ARL5C: variants seen among roughly 807,000 people sequenced by gnomAD.
ARL5C encodes the protein putative ADP-ribosylation factor-like protein 5C.
Under a neutral mutation model 20.8 loss-of-function variants are expected in ARL5C, and 21 were observed. The ratio of observed to expected loss-of-function variants is 1.01; its 90% CI spans 0.72 to 1.46. ARL5C has a LOEUF of 1.46. Among genes scored for constraint, ARL5C ranks in the 40% most tolerant of loss-of-function variants. The pLI, the probability that ARL5C is intolerant of heterozygous loss-of-function variation, is 0.00. For synonymous variants in ARL5C, 71 were observed against 81.6 expected, an observed-to-expected ratio of 0.87 and a Z score of 0.70; for missense variants, 199 against 225.1, an observed-to-expected ratio of 0.88 and a Z score of 0.74.
chr17:39,162,949 T>C, intron 2 of ARL5C, 91 bp from the exon 3 acceptor site: 1 of 1,448,178 alleles, frequency 6.9e-7, no homozygotes, highest in South Asian at 1.3e-5. Context: ...AGTCTGAATC[T>C]AACTCAGAAC....
rs2045460340 is a variant in ARL5C, at chr17:39,165,787, G to A, written c.-27C>T. 1.9e-6 allele frequency: 3 copies of A among 1,551,636 alleles called. No individual in the cohort carries two copies. Among genetic ancestry groups the A allele is most frequent in the Non-Finnish European group, 2.6e-6 (3 of 1,146,956 alleles). ...GCACTTCCCGGGCCGGACAGGTGCA[G>A]GAGGGCTCAGCGGCCTCAGGAGCGG... On this transcript the variant is annotated 5_prime_UTR_variant, in exon 1 of 6. Transcript: ENST00000269586.
chr17:39,165,074 C>G lies in ARL5C; in HGVS notation c.107+5G>C. On this transcript the variant is annotated splice_donor_5th_base_variant and intron_variant, in intron 2 of 5. Transcript: ENST00000269586. Reference sequence around the variant, plus strand: ...CTCTACCCTCCCCGCCCGAGAGTCACTTACAACCGGTAGAGAATGGTGGTC... The same window carrying G: ...CTCTACCCTCCCCGCCCGAGAGTCAGTTACAACCGGTAGAGAATGGTGGTC... 13 of 1,551,694 alleles carry G rather than the reference C, an allele frequency of 8.4e-6. No individual in the cohort carries two copies. Among genetic ancestry groups the G allele is most frequent in the Non-Finnish European group, 1.1e-5 (13 of 1,146,962 alleles).
intron 5 of ARL5C, among the ~76,000 whole-genome samples, chr17:39,158,339 G>A (rs1482162677): frequency 5.3e-5 from 8 of 152,112 alleles, no homozygotes; most frequent in Non-Finnish European, 1.2e-4. Context: ...TGCGCCAGGC[G>A]TGGTAGCTCA....
At chr17:39,157,887 A>G (rs2045413512) in intron 5 of ARL5C, among the ~76,000 whole-genome samples, 1 of 151,112 alleles carries the variant, frequency 6.6e-6, no homozygotes, top group Non-Finnish European at 1.5e-5. Context: ...AGGTCAGGAG[A>G]TCGAGACCAT....
intron 5 of ARL5C, among the ~76,000 whole-genome samples, chr17:39,159,840 A>G (rs2045425813): frequency 2.0e-5 from 3 of 152,228 alleles, no homozygotes; most frequent in Admixed American, 2.0e-4. Flanking sequence ...AACTGAAGTC[A>G]GAGTGAGTCA....
chr17:39,164,967 G>A, intron 2 of ARL5C, 112 bp downstream of exon 2: 1 of 1,121,424 alleles, frequency 8.9e-7, no homozygotes, highest in Non-Finnish European at 1.3e-6. Context: ...TCGCTCCTCC[G>A]GACTACAGAG....
At chr17:39,162,188 C>T (rs1326494107) in intron 3 of ARL5C, among the ~76,000 whole-genome samples, 2 of 152,210 alleles carry the variant, frequency 1.3e-5, no homozygotes, top group Non-Finnish European at 2.9e-5. Context: ...AGTATTCAAA[C>T]ACGTTAACAG....
In ARL5C at chr17:39,162,286, T is replaced by TTA. The variant is rs757164952; in HGVS notation, c.255+423_255+424dup. 2.5e-4 allele frequency among the ~76,000 whole-genome samples: 38 copies of TTA among 152,308 alleles called. No homozygotes were observed. The South Asian group carries it at 7.7e-3, about 31-fold the overall frequency. On this transcript the variant is annotated intron_variant, in intron 3 of 5. Coordinates refer to ENST00000269586, the MANE Select transcript of ARL5C (RefSeq NM_001143968.1). Reference sequence around the variant, plus strand: ...TTTTCACAACAACTTAGGGAGATCATTATATATATGTATATATAAAACTTT... The same window carrying TTA: ...TTTTCACAACAACTTAGGGAGATCATTATATATATATGTATATATAAAACTTT...
chr17:39,156,826 C>T, downstream of ARL5C: 8 of 1,523,140 alleles, frequency 5.3e-6, no homozygotes. Context: ...AATAAATAGC[C>T]ACTTGATTTT....
At chr17:39,157,271 G>A (rs1396754560) in intron 5 of ARL5C, among the ~76,000 whole-genome samples, 2 of 152,212 alleles carry the variant, frequency 1.3e-5, no homozygotes, top group Non-Finnish European at 2.9e-5. Context: ...GAGAGTCAGG[G>A]AGGGCTTCTC....
intron 2 of ARL5C, among the ~76,000 whole-genome samples, chr17:39,163,345 C>CCTTTCCTTCTTT (rs1555576111): frequency 7.3e-6 from 1 of 136,740 alleles, no homozygotes; most frequent in Admixed American, 7.5e-5. Context: ...CAGGCTTTTG[C>CCTTTCCTTCTTT]CTTTCTTTCT....
In ARL5C at chr17:39,163,701, CT is replaced by C. The variant is rs59010635; in HGVS notation, c.108-844del. The stretch of plus-strand genomic sequence containing the variant: ...GCCACCGCATCCGGCCACAGTTTTG[CT>C]TTTTTTTTTTTTTTTTCCTTGAGAT... On this transcript the variant is annotated intron_variant, in intron 2 of 5. Coordinates refer to ENST00000269586, the MANE Select transcript of ARL5C (RefSeq NM_001143968.1). Among the ~76,000 whole-genome samples, 469 of 131,024 alleles carry C rather than the reference CT, an allele frequency of 3.6e-3. 4 individuals carry two copies. Among genetic ancestry groups the C allele is most frequent in the Middle Eastern group, 8.8e-3 (2 of 228 alleles). 86.0% of individuals were successfully genotyped at this position (131,024 alleles called of 152,430 possible).
At chr17:39,163,345 C>CCTTTCTTTCCTTCTTTCTTT (rs2045444018) in intron 2 of ARL5C, among the ~76,000 whole-genome samples, 2 of 136,740 alleles carry the variant, frequency 1.5e-5, no homozygotes, top group Admixed American at 7.5e-5. Flanking sequence ...CAGGCTTTTG[C>CCTTTCTTTCCTTCTTTCTTT]CTTTCTTTCT....
intron 5 of ARL5C, among the ~76,000 whole-genome samples, chr17:39,158,886 C>T (rs1050408057): frequency 2.0e-5 from 3 of 151,716 alleles, no homozygotes; most frequent in Non-Finnish European, 4.4e-5. Flanking sequence ...ATATGTTGCC[C>T]AGGCTGGACT....
chr17:39,165,946 T>C lies in ARL5C; in HGVS notation c.-186A>G. On this transcript the variant is annotated 5_prime_UTR_variant, in exon 1 of 6. Coordinates refer to ENST00000269586, the MANE Select transcript of ARL5C (RefSeq NM_001143968.1). ...GGACGCTGGCCCTTCGTGGGCACTA[T>C]GGACACCCCAGTGACTAAGGGCTGC... The C allele has an allele frequency of 1.6e-6, 1 of 645,106 alleles. No individual in the cohort carries two copies. Among genetic ancestry groups the C allele is most frequent in the Non-Finnish European group, 2.7e-6 (1 of 371,510 alleles). The allele number at this position is 645,106 out of a possible 1,614,324, so 40.0% of individuals were successfully genotyped here. A position where few individuals can be genotyped will look rare whatever the true frequency, so the allele number is the denominator to read the frequency against.
In ARL5C at chr17:39,165,914, C is replaced by A. The variant is rs533564516; in HGVS notation, c.-154G>T. ...ACACGTCACCAACCTGACCTGGGAA[C>A]CCTCTGGGACGCTGGCCCTTCGTGG... On this transcript the variant is annotated 5_prime_UTR_variant, in exon 1 of 6. Coordinates refer to ENST00000269586, the MANE Select transcript of ARL5C (RefSeq NM_001143968.1). 9.8e-6 allele frequency: 8 copies of A among 819,904 alleles called. No homozygotes were observed. The highest frequency in any genetic ancestry group is 6.8e-5 in the African/African-American group (4 of 58,650). The allele number at this position is 819,904 out of a possible 1,614,324, so 50.8% of individuals were successfully genotyped here.
At position 39,166,051 on chromosome 17, in the gene ARL5C, G is replaced by C. The variant is rs1380067967; in HGVS notation, c.-291C>G. 25 of 454,536 alleles carry C rather than the reference G, an allele frequency of 5.5e-5. No homozygotes were observed. In the South Asian group the frequency reaches 5.9e-4, roughly 11 times the overall value. 28.2% of individuals were successfully genotyped at this position (454,536 alleles called of 1,614,324 possible). ...CCCCTCGCCCTGCGAAAACTCCTGAGTTCTCCGGGTGGACTGCTCCACTAC... is the reference window on the plus strand; with the variant it reads ...CCCCTCGCCCTGCGAAAACTCCTGACTTCTCCGGGTGGACTGCTCCACTAC... On this transcript the variant is annotated 5_prime_UTR_variant, in exon 1 of 6. Coordinates refer to ENST00000269586, the MANE Select transcript of ARL5C (RefSeq NM_001143968.1).
intron 2 of ARL5C, among the ~76,000 whole-genome samples, chr17:39,163,390 C>CTTTCTTTCTTTCTT (rs1467186614): frequency 6.8e-6 from 1 of 146,818 alleles, no homozygotes; most frequent in East Asian, 2.0e-4. Context: ...TTCTTTCTTT[C>CTTTCTTTCTTTCTT]TTTCTCTCTT....
chr17:39,161,353 T>C lies in ARL5C; in HGVS notation c.256-2A>G. 6.4e-7 allele frequency: 1 copy of C among 1,551,866 alleles called. No individual in the cohort carries two copies. Among genetic ancestry groups the C allele is most frequent in the Non-Finnish European group, 8.7e-7 (1 of 1,146,994 alleles). ...GCTGTCAATCACAAGGATGATAAAC[T>C]GGGCAGCAGAGGGGAGCCGTGAGAG... On this transcript the variant is annotated splice_acceptor_variant, in intron 3 of 5. Transcript: ENST00000269586. LOFTEE classifies it high-confidence loss of function.
Sources: gnomAD v4.1 joint callset for allele counts (sites outside exome capture counted in the v4.1 genomes callset) on GRCh38, gnomAD v4.1.1 for gene constraint, MANE v1.5 for transcripts, NCBI Gene and HGNC (gene_info 2026-07-23, HGNC 2026-07-21) for gene names.